Variants in ABCC8 observed in about 807,000 individuals in gnomAD.
ABCC8 encodes the protein ATP-binding cassette sub-family C member 8.
Under a neutral mutation model 188.0 loss-of-function variants are expected in ABCC8, and 137 were observed. That is an observed-to-expected ratio of 0.73 (90% confidence interval 0.63 to 0.84). The LOEUF (loss-of-function observed/expected upper bound fraction) is 0.84. Ranked by LOEUF, ABCC8 falls within the 40% of genes least tolerant of loss-of-function variation. ABCC8 has a pLI of 0.00. For synonymous variants in ABCC8, 797 were observed against 846.5 expected (o/e 0.94, Z 1.01); for missense variants, 1,750 against 2,072.7 (o/e 0.84, Z 3.02).
chr11:17,428,288 C>G lies in ABCC8; in HGVS notation c.2040+1G>C, dbSNP rs780950595. On this transcript the variant is annotated splice_donor_variant, in intron 14 of 38. Coordinates refer to ENST00000389817, the MANE Select transcript of ABCC8 (RefSeq NM_000352.6). LOFTEE classifies it high-confidence loss of function. ...GCCAGGCATGGGGCAGCAGGACTCACCTGGACACAGCAGTTGTCAGCATCG... is the reference window on the plus strand; with the variant it reads ...GCCAGGCATGGGGCAGCAGGACTCAGCTGGACACAGCAGTTGTCAGCATCG... The G allele has an allele frequency of 1.9e-6, 3 of 1,614,130 alleles. No individual in the cohort carries two copies. The highest frequency in any genetic ancestry group is 2.5e-6 in the Non-Finnish European group (3 of 1,180,042).
chr11:17,438,135 T>C (rs1956178568), intron 10 of ABCC8, among the ~76,000 whole-genome samples: 1 of 152,128 alleles, frequency 6.6e-6, no homozygotes, highest in Admixed American at 6.5e-5. Context: ...TCAAAGATGC[T>C]GGGGAAGGAA....
At chr11:17,412,015 C>T in intron 21 of ABCC8, among the ~76,000 whole-genome samples, 1 of 151,630 alleles carries the variant, frequency 6.6e-6, no homozygotes. Flanking sequence ...GCCTCAGCCT[C>T]CGGAGTAGCT....
intron 1 of ABCC8, 93 bp downstream of exon 1, chr11:17,476,536 C>T (rs981097606): frequency 3.0e-5 from 45 of 1,488,002 alleles, no homozygotes; most frequent in Non-Finnish European, 4.1e-5. Context: ...GGTCGCGGGC[C>T]GGAAGGGGAC....
chr11:17,405,335 C>A (rs1487792457), intron 27 of ABCC8, among the ~76,000 whole-genome samples, 159 bp downstream of exon 27: 1 of 152,206 alleles, frequency 6.6e-6, no homozygotes, highest in African/African-American at 2.4e-5. Flanking sequence ...CGAGGGAGGC[C>A]CCAGCCCTGA....
chr11:17,460,381 G>C, intron 6 of ABCC8, 107 bp downstream of exon 6: 17 of 1,529,716 alleles, frequency 1.1e-5, no homozygotes, highest in Non-Finnish European at 1.2e-5. Context: ...CATGTGTGAG[G>C]AGCCACTCCA....
chr11:17,463,982 G>T (rs2133689426), intron 3 of ABCC8, among the ~76,000 whole-genome samples: 1 of 152,282 alleles, frequency 6.6e-6, no homozygotes, highest in African/African-American at 2.4e-5. Flanking sequence ...TTCAAAGAAA[G>T]TACACTGCCG....
intron 6 of ABCC8, among the ~76,000 whole-genome samples, chr11:17,458,708 C>T (rs1357949938): frequency 2.0e-5 from 3 of 152,212 alleles, no homozygotes; most frequent in Non-Finnish European, 4.4e-5. Context: ...CTTCAAAAGC[C>T]ATCAAAGTTT....
chr11:17,466,638 A>G (rs1305066752), intron 3 of ABCC8, among the ~76,000 whole-genome samples: 1 of 91,108 alleles, frequency 1.1e-5, no homozygotes, highest in African/African-American at 4.3e-5. Context: ...TTTTTTTGAG[A>G]CAGGGTCTCA....
chr11:17,415,593 G>A (rs969082645), intron 17 of ABCC8, among the ~76,000 whole-genome samples: 5 of 152,180 alleles, frequency 3.3e-5, no homozygotes, highest in Non-Finnish European at 7.3e-5. Flanking sequence ...ATGGGGAGAG[G>A]TGCCATTGGT....
intron 33 of ABCC8, 200 bp downstream of exon 33, chr11:17,396,716 G>A: frequency 1.5e-6 from 1 of 661,678 alleles, no homozygotes; most frequent in Non-Finnish European, 2.6e-6. Flanking sequence ...CAAGGCCTGA[G>A]GGCAGCACTG....
intron 8 of ABCC8, among the ~76,000 whole-genome samples, chr11:17,443,849 C>T (rs1320533090): frequency 6.6e-6 from 1 of 152,172 alleles, no homozygotes; most frequent in Non-Finnish European, 1.5e-5. Context: ...AGAATTCCTT[C>T]TGCATTTAGC....
chr11:17,441,481 G>A (rs963935577), intron 10 of ABCC8, among the ~76,000 whole-genome samples: 2 of 152,150 alleles, frequency 1.3e-5, no homozygotes, highest in African/African-American at 4.8e-5. Context: ...CATGTAACCT[G>A]TGCACTGAGT....
intron 16 of ABCC8, among the ~76,000 whole-genome samples, chr11:17,423,821 A>G (rs1955462338): frequency 6.6e-6 from 1 of 152,216 alleles, no homozygotes; most frequent in South Asian, 2.1e-4. Context: ...TGCCTTCTTC[A>G]TGAGGCTCTT....
rs568290662 is a variant in ABCC8 at position 17,470,557 on chromosome 11, G to A, written c.291-335C>T. 1.2e-3 allele frequency among the ~76,000 whole-genome samples: 187 copies of A among 152,286 alleles called. 1 individual carries two copies. Among genetic ancestry groups the A allele is most frequent in the African/African-American group, 4.3e-3 (180 of 41,556 alleles). On this transcript the variant is annotated intron_variant, in intron 2 of 38. Coordinates refer to ENST00000389817, the MANE Select transcript of ABCC8 (RefSeq NM_000352.6). Reference sequence around the variant, plus strand: ...ACGAACAGCATAAGTCAGCACTGGCGCCCTCCCCAGAGGCTGTGATAACAA... The same window carrying A: ...ACGAACAGCATAAGTCAGCACTGGCACCCTCCCCAGAGGCTGTGATAACAA...
chr11:17,428,200 A>C, intron 14 of ABCC8, 89 bp downstream of exon 14: 1 of 1,594,572 alleles, frequency 6.3e-7, no homozygotes, highest in Admixed American at 1.7e-5. Flanking sequence ...TCTGCAGAGG[A>C]CTAAGCATGC....
At chr11:17,441,602 T>C (rs990167885) in intron 10 of ABCC8, among the ~76,000 whole-genome samples, 6 of 152,070 alleles carry the variant, frequency 3.9e-5, no homozygotes, top group African/African-American at 1.4e-4. Context: ...GGTTGCTAAA[T>C]ATCTACATCC....
At chr11:17,467,332 C>T (rs560875631) in intron 3 of ABCC8, among the ~76,000 whole-genome samples, 13 of 152,264 alleles carry the variant, frequency 8.5e-5, no homozygotes, top group East Asian at 1.9e-4. Flanking sequence ...CACAAGAATC[C>T]GCTTGAACCC....
At chr11:17,419,047 A>G (rs1047550232) in intron 16 of ABCC8, among the ~76,000 whole-genome samples, 1 of 152,172 alleles carries the variant, frequency 6.6e-6, no homozygotes, top group African/African-American at 2.4e-5. Context: ...TGCAAATGTG[A>G]CAGAGCTGGG....
intron 30 of ABCC8, 138 bp from the exon 31 acceptor site, chr11:17,397,935 G>C: frequency 6.7e-7 from 1 of 1,498,858 alleles, no homozygotes; most frequent in Non-Finnish European, 8.9e-7. Flanking sequence ...CACGTCACCA[G>C]ACACACACAA....
Sources: allele counts gnomAD v4.1 joint callset (sites outside exome capture counted in the v4.1 genomes callset), GRCh38; gene constraint gnomAD v4.1.1; transcripts MANE v1.5; gene names NCBI Gene and HGNC (gene_info 2026-07-23, HGNC 2026-07-21).